Variants in FTO observed in about 807,000 individuals in gnomAD.
FTO encodes the protein alpha-ketoglutarate-dependent dioxygenase FTO.
FTO carries 47 observed loss-of-function variants against 63.9 expected under a neutral mutation model. The observed-to-expected ratio is 0.74, with a 90% CI of 0.58 to 0.94. The LOEUF (loss-of-function observed/expected upper bound fraction) is 0.94, where lower values mean the gene tolerates loss of function less well. Ranked by LOEUF, FTO falls within the 40% of genes least tolerant of loss-of-function variation. FTO has a pLI of 0.00. For missense variants in FTO, 562 were observed against 618.1 expected, an observed-to-expected ratio of 0.91 and a Z score of 0.96; for synonymous variants, 207 against 224.4, an observed-to-expected ratio of 0.92 and a Z score of 0.69.
intron 8 of FTO, among the ~76,000 whole-genome samples, chr16:54,049,525 A>C (rs2085265214): frequency 6.6e-6 from 1 of 152,228 alleles, no homozygotes; most frequent in South Asian, 2.1e-4. Context: ...ATTAAATTCA[A>C]AGTGGTGAGG....
chr16:53,922,470 CA>C (rs1239700715), intron 7 of FTO, among the ~76,000 whole-genome samples: 2 of 150,120 alleles, frequency 1.3e-5, no homozygotes, highest in African/African-American at 4.9e-5. Context: ...AATCCACAGA[CA>C]AAAAAAAATG....
chr16:53,792,042 C>G lies in FTO; in HGVS notation c.46-18098C>G, dbSNP rs561897156. 2.9e-3 allele frequency among the ~76,000 whole-genome samples: 434 copies of G among 150,286 alleles called. 2 individuals are homozygous for G. The highest frequency in any genetic ancestry group is 5.1e-3 in the Non-Finnish European group (344 of 67,714). ...AGTGAGCCGAGATTGCGCCACTGCACTCCCGCCTGGGCCACAGAGCGAGAC... is the reference window on the plus strand; with the variant it reads ...AGTGAGCCGAGATTGCGCCACTGCAGTCCCGCCTGGGCCACAGAGCGAGAC... On this transcript the variant is annotated intron_variant, in intron 1 of 8. Coordinates refer to ENST00000471389, the MANE Select transcript of FTO (RefSeq NM_001080432.3).
chr16:53,947,504 C>T (rs956872432), intron 8 of FTO, among the ~76,000 whole-genome samples: 1 of 152,026 alleles, frequency 6.6e-6, no homozygotes, highest in African/African-American at 2.4e-5. Context: ...TCCCAGCCAC[C>T]CCTTACTGGT....
chr16:53,836,799 C>T (rs985250346), intron 3 of FTO, among the ~76,000 whole-genome samples: 2 of 152,164 alleles, frequency 1.3e-5, no homozygotes, highest in Non-Finnish European at 1.5e-5. Context: ...CTCATGGCCC[C>T]CAAATGACTG....
At chr16:54,009,410 C>G (rs1379847244) in intron 8 of FTO, among the ~76,000 whole-genome samples, 2 of 152,042 alleles carry the variant, frequency 1.3e-5, no homozygotes, top group Non-Finnish European at 2.9e-5. Context: ...TAAAACTATA[C>G]CTGAATTTAA....
In FTO at chr16:53,826,089, C is replaced by T. The variant is rs759168981; in HGVS notation, c.349C>T (p.Pro117Ser). The change falls in exon 3 of 9, where the codon CCC becomes TCC. Residue 117 changes from proline to serine, a missense_variant. By Grantham distance (74) the Pro-to-Ser change is moderately conservative. Coordinates refer to ENST00000471389, the MANE Select transcript of FTO (RefSeq NM_001080432.3). ...KYLNTRLFTV[P>S]WPVKGSNIKH... ...CCTGAACACCAGGCTCTTTACGGTC[C>T]CCTGGCCAGTGAAAGGGTCTAATAT... 2 of 1,613,998 alleles carry T rather than the reference C, an allele frequency of 1.2e-6. No homozygotes were observed. Among genetic ancestry groups the T allele is most frequent in the Admixed American group, 3.3e-5 (2 of 59,992 alleles).
At chr16:53,974,471 T>A (rs561289769) in intron 8 of FTO, among the ~76,000 whole-genome samples, 1 of 152,294 alleles carries the variant, frequency 6.6e-6, no homozygotes, top group South Asian at 2.1e-4. Context: ...TGCCTGCAAA[T>A]GATCATGCAA....
chr16:53,939,759 T>C (rs2082483440), intron 8 of FTO, among the ~76,000 whole-genome samples: 3 of 152,240 alleles, frequency 2.0e-5, no homozygotes, highest in African/African-American at 7.2e-5. Context: ...GCATACTGAT[T>C]GTAGGATGCA....
At position 54,116,455 on chromosome 16, in the gene FTO, G is replaced by A. The variant is rs2086975663; in HGVS notation, c.*4540G>A. The A allele has an allele frequency of 6.6e-6, 1 of 152,114 alleles. No individual in the cohort carries two copies. Among genetic ancestry groups the A allele is most frequent in the Non-Finnish European group, 1.5e-5 (1 of 68,044 alleles). 9.4% of individuals were successfully genotyped at this position (152,114 alleles called of 1,614,324 possible). A position where few individuals can be genotyped will look rare whatever the true frequency, so the allele number is the denominator to read the frequency against. ...AGTGGTAATGCCGTTTATCCCGTTT[G>A]CCTTTGTTACTCTGTGATTAAATGG... On this transcript the variant is annotated 3_prime_UTR_variant, in exon 9 of 9. Transcript: ENST00000471389.
At chr16:54,104,375 C>T (rs984759601) in intron 8 of FTO, among the ~76,000 whole-genome samples, 1 of 144,918 alleles carries the variant, frequency 6.9e-6, no homozygotes, top group African/African-American at 2.6e-5. Context: ...TGCAGCGGTT[C>T]GATCTCGGCT....
intron 1 of FTO, among the ~76,000 whole-genome samples, chr16:53,704,809 C>T (rs1159715533): frequency 6.6e-6 from 1 of 152,172 alleles, no homozygotes; most frequent in African/African-American, 2.4e-5. Flanking sequence ...TATTGTGGGT[C>T]AGGCACTGTA....
At chr16:53,757,477 A>G (rs765404389) in intron 1 of FTO, among the ~76,000 whole-genome samples, 6 of 151,890 alleles carry the variant, frequency 4.0e-5, no homozygotes, top group African/African-American at 7.2e-5. Flanking sequence ...ATATATGAAT[A>G]CATACTGTAT....
At chr16:53,860,652 G>A (rs1045361149) in intron 4 of FTO, among the ~76,000 whole-genome samples, 2 of 152,034 alleles carry the variant, frequency 1.3e-5, no homozygotes, top group Admixed American at 6.6e-5. Context: ...ACCTGATCTT[G>A]TGAGAACTCA....
intron 8 of FTO, among the ~76,000 whole-genome samples, chr16:54,015,504 T>TCCATGGCACAAATGC: frequency 6.6e-6 from 1 of 151,776 alleles, no homozygotes; most frequent in South Asian, 2.1e-4. Context: ...TAAAGCTATC[T>TCCATGGCACAAATGC]CCATGGCACA....
chr16:53,937,855 C>T (rs1029266137), intron 8 of FTO: 1 of 152,114 alleles, frequency 6.6e-6, no homozygotes, highest in African/African-American at 2.4e-5. Flanking sequence ...TGTCCACACC[C>T]GAGTTGTCTT....
rs989161287 is a variant in FTO, at chr16:53,704,190, G to C, written c.6G>C (p.Lys2Asn). The C allele has an allele frequency of 3.2e-6, 5 of 1,551,524 alleles. No homozygotes were observed. The highest frequency in any genetic ancestry group is 3.9e-5 in the Admixed American group (2 of 51,006). ...AAGGCGGCTTTAGTGGCAGCATGAA[G>C]CGCACCCCGACTGCCGAGGAACGAG... is the stretch of plus-strand genomic sequence containing the variant. M[K>N]RTPTAEERER... The change falls in exon 1 of 9, where the codon AAG (lysine) becomes AAC (asparagine). Residue 2 changes from lysine to asparagine, a missense_variant. Coordinates refer to ENST00000471389, the MANE Select transcript of FTO (RefSeq NM_001080432.3).
chr16:54,005,736 T>C (rs2084187162), intron 8 of FTO, among the ~76,000 whole-genome samples: 2 of 152,180 alleles, frequency 1.3e-5, no homozygotes, highest in African/African-American at 4.8e-5. Context: ...AATCCTTGCC[T>C]TCAAAGAAGC....
At chr16:53,704,315 G>A in intron 1 of FTO, 86 bp downstream of exon 1, 1 of 1,346,126 alleles carries the variant, frequency 7.4e-7, no homozygotes, top group Non-Finnish European at 1.0e-6. Flanking sequence ...GATGGCGAGC[G>A]GATGCGCGGT....
At chr16:53,817,002 T>C (rs1213407374) in intron 2 of FTO, among the ~76,000 whole-genome samples, 1 of 152,210 alleles carries the variant, frequency 6.6e-6, no homozygotes, top group Non-Finnish European at 1.5e-5. Flanking sequence ...AGCAGTATAC[T>C]CACACTTCTA....
Sources: allele counts gnomAD v4.1 joint callset (sites outside exome capture counted in the v4.1 genomes callset), GRCh38; gene constraint gnomAD v4.1.1; transcripts MANE v1.5; gene names NCBI Gene and HGNC (gene_info 2026-07-23, HGNC 2026-07-21).